The following EPB41L4A variants were observed in gnomAD, a reference collection of about 807,000 sequenced individuals.
The protein encoded by EPB41L4A is band 4.1-like protein 4A.
EPB41L4A carries 100 observed loss-of-function variants against 108.6 expected under a neutral mutation model. That is an observed-to-expected ratio of 0.92 (90% confidence interval 0.78 to 1.09). The LOEUF is 1.09. EPB41L4A is among the 50% of genes least tolerant of loss of function. The probability of loss-of-function intolerance (pLI) is 0.00; values close to 1 mark genes in which losing one functional copy is unlikely to be tolerated. For missense variants in EPB41L4A, 1,030 were observed against 842.7 expected (o/e 1.22, Z -2.75); for synonymous variants, 319 against 289.0 (o/e 1.10, Z -1.05).
At chr5:112,197,261 A>G (rs1467422327) in intron 15 of EPB41L4A, among the ~76,000 whole-genome samples, 1 of 152,092 alleles carries the variant, frequency 6.6e-6, no homozygotes, top group Non-Finnish European at 1.5e-5. Context: ...TTCAAAGCCA[A>G]ACTTTTGGAG....
At chr5:112,217,414 C>G (rs1483413575) in intron 12 of EPB41L4A, among the ~76,000 whole-genome samples, 1 of 152,178 alleles carries the variant, frequency 6.6e-6, no homozygotes, top group Non-Finnish European at 1.5e-5. Context: ...TTAAGAATTC[C>G]TGGGCTGAAT....
At chr5:112,417,637 A>C (rs1008713048) in intron 1 of EPB41L4A, among the ~76,000 whole-genome samples, 6 of 152,118 alleles carry the variant, frequency 3.9e-5, no homozygotes, top group African/African-American at 1.4e-4. Flanking sequence ...CAAAATGTAC[A>C]CCCTCCCCGA....
rs912702232 is a variant in EPB41L4A at position 112,393,720 on chromosome 5, T to A, written c.99+25221A>T. On this transcript the variant is annotated intron_variant, in intron 1 of 22. Coordinates refer to ENST00000261486, the MANE Select transcript of EPB41L4A (RefSeq NM_022140.5). The stretch of plus-strand genomic sequence containing the variant: ...ATTCCAATCAATAGAAAAAGAGGGA[T>A]TCCTCCCTAACTCATTTTATGAGGC... 2.4e-4 allele frequency among the ~76,000 whole-genome samples: 36 copies of A among 152,054 alleles called. 1 individual carries two copies. Among genetic ancestry groups the A allele is most frequent in the Non-Finnish European group, 4.1e-4 (28 of 67,974 alleles).
intron 17 of EPB41L4A, among the ~76,000 whole-genome samples, chr5:112,189,970 C>G (rs530240191): frequency 7.7e-4 from 117 of 152,322 alleles, no homozygotes; most frequent in African/African-American, 2.8e-3. Context: ...CTCCTTCATC[C>G]TACACCCTGG....
At chr5:112,206,451 A>T (rs1762477284) in intron 13 of EPB41L4A, among the ~76,000 whole-genome samples, 1 of 152,178 alleles carries the variant, frequency 6.6e-6, no homozygotes, top group South Asian at 2.1e-4. Flanking sequence ...ACAGAGGCAT[A>T]TAACCCATAG....
intron 6 of EPB41L4A, 73 bp downstream of exon 6, chr5:112,264,823 A>G: frequency 6.8e-7 from 1 of 1,461,782 alleles, no homozygotes; most frequent in South Asian, 1.3e-5. Flanking sequence ...ATCATTCTAG[A>G]AACTTTTCTT....
chr5:112,151,320 A>G (rs1001086559), intron 12 of EPB41L4A, among the ~76,000 whole-genome samples: 2 of 151,132 alleles, frequency 1.3e-5, no homozygotes, highest in Non-Finnish European at 3.0e-5. Flanking sequence ...GGTAAAGGGT[A>G]GCTAGCATCA....
intron 1 of EPB41L4A, among the ~76,000 whole-genome samples, chr5:112,319,425 C>G (rs1301615946): frequency 6.6e-6 from 1 of 152,154 alleles, no homozygotes; most frequent in African/African-American, 2.4e-5. Context: ...AATAAGAAAA[C>G]TACCATCATT....
At chr5:112,212,786 T>C (rs771433532) in intron 12 of EPB41L4A, among the ~76,000 whole-genome samples, 1 of 152,096 alleles carries the variant, frequency 6.6e-6, no homozygotes, top group Non-Finnish European at 1.5e-5. Context: ...TGAAAAAAGC[T>C]GAGTAAAGGT....
intron 1 of EPB41L4A, among the ~76,000 whole-genome samples, chr5:112,336,450 C>T (rs751025250): frequency 7.2e-5 from 11 of 152,126 alleles, no homozygotes; most frequent in Non-Finnish European, 1.5e-4. Flanking sequence ...GGCAGATTTC[C>T]TCATCCCGCC....
chr5:112,155,780 G>A (rs1759624844), intron 12 of EPB41L4A, among the ~76,000 whole-genome samples: 1 of 152,188 alleles, frequency 6.6e-6, no homozygotes, highest in Non-Finnish European at 1.5e-5. Context: ...ATTTAATATA[G>A]GTTTACCATA....
chr5:112,269,376 A>G (rs1340991571), intron 4 of EPB41L4A, among the ~76,000 whole-genome samples: 1 of 152,184 alleles, frequency 6.6e-6, no homozygotes, highest in Non-Finnish European at 1.5e-5. Context: ...AAGTAAAATC[A>G]TATTTTCATA....
chr5:112,406,190 T>A (rs927598806), intron 1 of EPB41L4A, among the ~76,000 whole-genome samples: 1 of 152,158 alleles, frequency 6.6e-6, no homozygotes, highest in African/African-American at 2.4e-5. Flanking sequence ...AAAATAATCA[T>A]TATCAAGGGA....
chr5:112,338,219 G>A (rs186762935), intron 1 of EPB41L4A, among the ~76,000 whole-genome samples: 1 of 152,242 alleles, frequency 6.6e-6, no homozygotes, highest in East Asian at 1.9e-4. Flanking sequence ...TCACACCCCT[G>A]AGTATCCCAT....
At chr5:112,205,138 TAG>T (rs770659900) in intron 14 of EPB41L4A, among the ~76,000 whole-genome samples, 3 of 152,244 alleles carry the variant, frequency 2.0e-5, no homozygotes, top group Non-Finnish European at 2.9e-5. Context: ...ATATGCCATT[TAG>T]AGTTTTCAGA....
In EPB41L4A at chr5:112,165,136, A is replaced by ATAC; in HGVS notation, c.1933-19_1933-18insGTA. 1 of 797,052 alleles carries ATAC rather than the reference A, an allele frequency of 1.3e-6. No individual in the cohort carries two copies. The highest frequency in any genetic ancestry group is 4.1e-5 in the East Asian group (1 of 24,268). 49.4% of individuals were successfully genotyped at this position (797,052 alleles called of 1,614,324 possible). The stretch of plus-strand genomic sequence containing the variant: ...TTTCTTCTCTAAAATATATTTGAAA[A>ATAC]ATGTAGAAAGATTCAGAAGAAAACA... On this transcript the variant is annotated intron_variant, in intron 22 of 22. Coordinates refer to ENST00000261486, the MANE Select transcript of EPB41L4A (RefSeq NM_022140.5).
chr5:112,198,787 CTTAT>C (rs1200830802), intron 15 of EPB41L4A, among the ~76,000 whole-genome samples: 1 of 152,074 alleles, frequency 6.6e-6, no homozygotes, highest in Non-Finnish European at 1.5e-5. Context: ...CCTAATAACT[CTTAT>C]TTATTAGTTC....
intron 16 of EPB41L4A, among the ~76,000 whole-genome samples, chr5:112,194,863 T>C (rs1761884072): frequency 2.0e-5 from 3 of 151,970 alleles, no homozygotes; most frequent in African/African-American, 7.3e-5. Flanking sequence ...GCAGGGGAAA[T>C]ATAAAAACCG....
chr5:112,146,406 T>C (rs759847825), intron 12 of EPB41L4A, among the ~76,000 whole-genome samples: 9 of 152,220 alleles, frequency 5.9e-5, no homozygotes, highest in Non-Finnish European at 1.0e-4. Flanking sequence ...GTTTTGTGTT[T>C]AGTGCTGTTT....
Sources: gnomAD v4.1 joint callset for allele counts (sites outside exome capture counted in the v4.1 genomes callset) on GRCh38, gnomAD v4.1.1 for gene constraint, MANE v1.5 for transcripts, NCBI Gene and HGNC (gene_info 2026-07-23, HGNC 2026-07-21) for gene names.